TGM2: variants seen among roughly 807,000 people sequenced by gnomAD.
TGM2 encodes transglutaminase 2.
A neutral mutation model predicts 75.6 loss-of-function variants in TGM2; 53 were observed. That is an observed-to-expected ratio of 0.70 (90% CI 0.56 to 0.88). The LOEUF is 0.88. TGM2 is among the 40% of genes least tolerant of loss of function. TGM2 has a pLI of 0.00. For synonymous variants in TGM2, 374 were observed against 381.1 expected (o/e 0.98, Z 0.22); for missense variants, 842 against 928.5 (o/e 0.91, Z 1.21).
intron 5 of TGM2, 40 bp downstream of exon 5, chr20:38,147,920 CT>C: frequency 6.3e-7 from 1 of 1,588,886 alleles, no homozygotes; most frequent in Non-Finnish European, 8.6e-7. Flanking sequence ...CGGGAGCCCC[CT>C]GTAGGCCCCG....
intron 3 of TGM2, 75 bp downstream of exon 3, chr20:38,155,772 C>A: frequency 6.6e-7 from 1 of 1,524,950 alleles, no homozygotes; most frequent in Non-Finnish European, 8.8e-7. Context: ...GTTCTTCTCA[C>A]CTCCAGTAGC....
upstream of TGM2, chr20:38,165,315 G>C: frequency 6.6e-7 from 1 of 1,503,822 alleles, no homozygotes; most frequent in Non-Finnish European, 9.1e-7. Context: ...CTTTGGGGCG[G>C]GCCGGGGGCG....
At chr20:38,161,704 C>A (rs2075256498) in intron 1 of TGM2, 105 bp from the exon 2 acceptor site, 1 of 1,349,022 alleles carries the variant, frequency 7.4e-7, no homozygotes, top group Non-Finnish European at 1.1e-6. Context: ...TCTTACTCCC[C>A]ACAAAGCACA....
intron 3 of TGM2, among the ~76,000 whole-genome samples, chr20:38,154,706 C>G (rs981702623): frequency 6.6e-6 from 1 of 152,178 alleles, no homozygotes; most frequent in African/African-American, 2.4e-5. Flanking sequence ...AAGGAGGCAG[C>G]TGGACGGTCT....
chr20:38,131,307 C>T (rs369962582), intron 11 of TGM2, 78 bp from the exon 12 acceptor site: 11 of 1,599,722 alleles, frequency 6.9e-6, no homozygotes, highest in Non-Finnish European at 9.4e-6. Context: ...CAATTTGGCC[C>T]AATATTTGCT....
intron 4 of TGM2, 49 bp from the exon 5 acceptor site, chr20:38,148,138 C>A (rs759895850): frequency 4.3e-6 from 7 of 1,612,426 alleles, no homozygotes; most frequent in Non-Finnish European, 5.9e-6. Flanking sequence ...GAAGGCACCT[C>A]CTCCAGGAAG....
chr20:38,146,886 G>A lies in TGM2; in HGVS notation c.690C>T (p.Cys230=). ...VGRVVSGMVN[C]NDDQGVLLGR... ...CCAGCAGCACACCCTGGTCATCGTT[G>A]CAGTTGACCTGCAACCAGTGGGGCA... Residue 230 remains cysteine, a synonymous_variant, in exon 6 of 13, where the codon TGC becomes TGT. Transcript: ENST00000361475. The A allele has an allele frequency of 6.2e-7, 1 of 1,612,998 alleles. No homozygotes were observed. The highest frequency in any genetic ancestry group is 8.5e-7 in the Non-Finnish European group (1 of 1,179,996).
chr20:38,132,870 G>C (rs776535753), intron 10 of TGM2: 8 of 462,142 alleles, frequency 1.7e-5, no homozygotes, highest in Non-Finnish European at 3.5e-5. Flanking sequence ...TGTCCCGGAA[G>C]AGCCTGGTGC....
Position 38,138,271 on chromosome 20 carries a change from C to T in TGM2, c.1457G>A (p.Gly486Asp), listed in dbSNP as rs2074925322. The change falls in exon 10 of 13, where the codon GGC (glycine) becomes GAC (aspartate). Residue 486 changes from glycine to aspartate, a missense_variant. Coordinates refer to ENST00000361475, the MANE Select transcript of TGM2 (RefSeq NM_004613.4). The part of the protein sequence containing the change: ...RIRVGQSMNM[G>D]SDFDVFAHIT... ...GTGGGCAAAGACGTCAAAGTCACTG[C>T]CCATGTTCATGCTCTGGCCCACACG... The T allele has an allele frequency of 6.2e-7, 1 of 1,614,004 alleles. No homozygotes were observed.
At chr20:38,164,510 C>T (rs555080624) in intron 1 of TGM2, among the ~76,000 whole-genome samples, 4 of 152,094 alleles carry the variant, frequency 2.6e-5, no homozygotes, top group Non-Finnish European at 5.9e-5. Flanking sequence ...CACAGATGCA[C>T]CAAAGGCTGG....
chr20:38,151,861 C>G (rs1367979837), intron 3 of TGM2, among the ~76,000 whole-genome samples: 1 of 152,086 alleles, frequency 6.6e-6, no homozygotes, highest in Non-Finnish European at 1.5e-5. Context: ...TTGTCTGTGG[C>G]CAGTGAGGGG....
At chr20:38,132,689 T>C (rs1332184228) in intron 10 of TGM2, 189 bp from the exon 11 acceptor site, 2 of 779,998 alleles carry the variant, frequency 2.6e-6, no homozygotes, top group African/African-American at 1.7e-5. Context: ...GAGTGGACAC[T>C]GAGCAGCGGG....
At chr20:38,161,922 T>C (rs2075259425) in intron 1 of TGM2, among the ~76,000 whole-genome samples, 2 of 152,152 alleles carry the variant, frequency 1.3e-5, no homozygotes, top group African/African-American at 4.8e-5. Context: ...GCCTCCTGAG[T>C]AGCTGAGAGG....
Position 38,141,272 on chromosome 20 carries a change from G to T in TGM2, c.1099+10C>A. Reference sequence around the variant, plus strand: ...CCATCTGTTTGACGCGACAGTGCCCGCCCACGCACCTTCGCTCTTCTCCTG... The same window carrying T: ...CCATCTGTTTGACGCGACAGTGCCCTCCCACGCACCTTCGCTCTTCTCCTG... On this transcript the variant is annotated intron_variant, in intron 8 of 12. Transcript: ENST00000361475. 6.4e-7 allele frequency: 1 copy of T among 1,557,558 alleles called. No individual in the cohort carries two copies. The highest frequency in any genetic ancestry group is 8.7e-7 in the Non-Finnish European group (1 of 1,149,106).
At chr20:38,131,417 A>G (rs1600476118) in intron 11 of TGM2, among the ~76,000 whole-genome samples, 188 bp from the exon 12 acceptor site, 1 of 130,536 alleles carries the variant, frequency 7.7e-6, no homozygotes, top group East Asian at 2.4e-4. Context: ...CTACCGGCCC[A>G]GGTCTCCTGC....
chr20:38,161,769 G>C (rs2075257690), intron 1 of TGM2, among the ~76,000 whole-genome samples, 170 bp from the exon 2 acceptor site: 1 of 152,146 alleles, frequency 6.6e-6, no homozygotes, highest in Non-Finnish European at 1.5e-5. Flanking sequence ...GGGCTAGGTG[G>C]GGCCCAATCT....
intron 6 of TGM2, chr20:38,145,630 G>T (rs758022821): frequency 6.6e-6 from 1 of 152,066 alleles, no homozygotes. Context: ...AGGTACTACC[G>T]TTGTGCCCAT....
rs936194998 is a variant in TGM2 at position 38,127,454 on chromosome 20, G to A, written c.*2765C>T. On this transcript the variant is annotated 3_prime_UTR_variant, in exon 13 of 13. Transcript: ENST00000361475. Reference sequence around the variant, plus strand: ...CATGTCTTTCTACATGACTTCCCAAGGGTGGGGACTGTCCCCATCATCTAT... The same window carrying A: ...CATGTCTTTCTACATGACTTCCCAAAGGTGGGGACTGTCCCCATCATCTAT... 39 of 805,342 alleles carry A rather than the reference G, an allele frequency of 4.8e-5. No homozygotes were observed. The African/African-American group carries it at 6.7e-4, about 14-fold the overall frequency. 49.9% of individuals were successfully genotyped at this position (805,342 alleles called of 1,614,324 possible).
intron 3 of TGM2, among the ~76,000 whole-genome samples, chr20:38,153,117 G>A (rs549474471): frequency 2.6e-5 from 4 of 152,236 alleles, no homozygotes; most frequent in East Asian, 3.9e-4. Context: ...AAGGGTGCTC[G>A]TTGACGCATG....
Sources: allele counts gnomAD v4.1 joint callset (sites outside exome capture counted in the v4.1 genomes callset), GRCh38; gene constraint gnomAD v4.1.1; transcripts MANE v1.5; gene names NCBI Gene and HGNC (gene_info 2026-07-23, HGNC 2026-07-21).